MGAT5: variants seen among roughly 807,000 people sequenced by gnomAD.
The protein encoded by MGAT5 is alpha-1,6-mannosylglycoprotein 6-beta-N-acetylglucosaminyltransferase.
A neutral mutation model predicts 94.3 loss-of-function variants in MGAT5; 30 were observed. The observed-to-expected ratio is 0.32, with a 90% CI of 0.24 to 0.43. The LOEUF (loss-of-function observed/expected upper bound fraction) is 0.43. MGAT5 is among the 20% of genes least tolerant of loss of function. The pLI is 1.00. For missense variants in MGAT5, 691 were observed against 905.5 expected (o/e 0.76, Z 3.04); for synonymous variants, 310 against 322.9 (o/e 0.96, Z 0.43).
intron 9 of MGAT5, among the ~76,000 whole-genome samples, chr2:134,356,101 A>G (rs114694104): frequency 2.4e-3 from 358 of 152,318 alleles, no homozygotes; most frequent in Non-Finnish European, 4.5e-3. Context: ...CATTTTGGCT[A>G]TCATTCACAA....
intron 9 of MGAT5, among the ~76,000 whole-genome samples, chr2:134,357,337 G>A (rs534966748): frequency 1.6e-4 from 24 of 152,262 alleles, no homozygotes; most frequent in African/African-American, 5.1e-4. Flanking sequence ...CAGTATCATT[G>A]ATATTCCAAC....
chr2:134,262,693 A>G (rs1683413075), intron 1 of MGAT5, among the ~76,000 whole-genome samples: 1 of 152,246 alleles, frequency 6.6e-6, no homozygotes, highest in Non-Finnish European at 1.5e-5. Flanking sequence ...ACCAGCGCTT[A>G]ATTAAAATGC....
rs1685442295 is a variant in MGAT5, at chr2:134,440,759, G to A, written c.1870-999G>A. Among the ~76,000 whole-genome samples the A allele has an allele frequency of 2.6e-5, 4 of 152,156 alleles. No individual in the cohort carries two copies. The South Asian group carries it at 8.3e-4, about 31-fold the overall frequency. ...GTGCCATGTTAGTGATTGATTGATA[G>A]TGAATTATGAGGTGGGAGGAGGCAC... On this transcript the variant is annotated intron_variant, in intron 14 of 15. Coordinates refer to ENST00000281923, the MANE Select transcript of MGAT5 (RefSeq NM_002410.5).
At chr2:134,433,054 C>G (rs548641235) in intron 14 of MGAT5, among the ~76,000 whole-genome samples, 3 of 152,136 alleles carry the variant, frequency 2.0e-5, no homozygotes, top group Non-Finnish European at 4.4e-5. Context: ...TTCCGTCACC[C>G]CAAAAAACTC....
chr2:134,158,962 A>G (rs1687605657), intron 1 of MGAT5, among the ~76,000 whole-genome samples: 1 of 152,248 alleles, frequency 6.6e-6, no homozygotes, highest in Non-Finnish European at 1.5e-5. Context: ...TGTAAAATAC[A>G]CACCAAATTC....
At chr2:134,380,463 T>A (rs1681467787) in intron 10 of MGAT5, among the ~76,000 whole-genome samples, 2 of 151,748 alleles carry the variant, frequency 1.3e-5, no homozygotes, top group South Asian at 4.2e-4. Flanking sequence ...GCAAGTGGAG[T>A]GGTTAAGAAA....
intron 1 of MGAT5, among the ~76,000 whole-genome samples, chr2:134,167,582 A>C (rs894964097): frequency 6.6e-6 from 1 of 152,194 alleles, no homozygotes; most frequent in Admixed American, 6.5e-5. Flanking sequence ...GCGCTAAAGG[A>C]AAGAAACACA....
chr2:134,173,472 G>A (rs1174192253), intron 1 of MGAT5, among the ~76,000 whole-genome samples: 9 of 152,162 alleles, frequency 5.9e-5, no homozygotes, highest in African/African-American at 1.4e-4. Context: ...ACTGTGCTGC[G>A]ATTCTCACGC....
At chr2:134,389,205 A>G (rs958044195) in intron 10 of MGAT5, among the ~76,000 whole-genome samples, 2 of 152,200 alleles carry the variant, frequency 1.3e-5, no homozygotes, top group African/African-American at 4.8e-5. Flanking sequence ...CCATTAGTTC[A>G]TTAGTACTTG....
chr2:134,204,184 C>G (rs1055302463), intron 1 of MGAT5, among the ~76,000 whole-genome samples: 19 of 152,174 alleles, frequency 1.2e-4, no homozygotes, highest in African/African-American at 4.6e-4. Flanking sequence ...CCTGGTGATT[C>G]CCACCATCTG....
chr2:134,273,089 A>T (rs1684135515), intron 2 of MGAT5, among the ~76,000 whole-genome samples: 3 of 152,134 alleles, frequency 2.0e-5, no homozygotes, highest in Admixed American at 6.5e-5. Flanking sequence ...GCCAAAGTGG[A>T]TATAGATATG....
intron 1 of MGAT5, among the ~76,000 whole-genome samples, chr2:134,221,402 A>G (rs1340524979): frequency 6.6e-6 from 1 of 152,206 alleles, no homozygotes; most frequent in Non-Finnish European, 1.5e-5. Flanking sequence ...ATTCAGGTTA[A>G]GGTAAAGGAT....
chr2:134,382,165 G>A (rs1185005541), intron 10 of MGAT5, among the ~76,000 whole-genome samples: 1 of 151,922 alleles, frequency 6.6e-6, no homozygotes, highest in Non-Finnish European at 1.5e-5. Flanking sequence ...CAAAGCAGGA[G>A]GGTCACTTGA....
rs766242532 is a variant in MGAT5 at position 134,216,756 on chromosome 2, A to G, written c.-142-37506A>G. On this transcript the variant is annotated intron_variant, in intron 1 of 16. Coordinates refer to the MGAT5 transcript ENST00000409645. ...CTTTTGCCATTTCTGCTCTACCTCT[A>G]GGGGTGATTATTGTGGTTTCTCAGG... Among the ~76,000 whole-genome samples the G allele has an allele frequency of 1.2e-4, 19 of 152,254 alleles. 1 individual carries two copies. Among genetic ancestry groups the G allele is most frequent in the Admixed American group, 7.8e-4 (12 of 15,304 alleles).
At chr2:134,186,833 A>G (rs59623898) in intron 1 of MGAT5, among the ~76,000 whole-genome samples, 1 of 152,306 alleles carries the variant, frequency 6.6e-6, no homozygotes, top group Admixed American at 6.5e-5. Flanking sequence ...AGGTACAGTG[A>G]TGAATAAAGG....
At chr2:134,241,044 T>C (rs1002006508) in intron 1 of MGAT5, among the ~76,000 whole-genome samples, 2 of 152,278 alleles carry the variant, frequency 1.3e-5, no homozygotes, top group African/African-American at 4.8e-5. Context: ...GTACCAGTTT[T>C]ATTAGTGTAA....
intron 10 of MGAT5, among the ~76,000 whole-genome samples, chr2:134,369,063 A>G (rs147510787): frequency 5.8e-4 from 88 of 152,210 alleles, no homozygotes; most frequent in African/African-American, 2.0e-3. Flanking sequence ...TTACTAGACT[A>G]TATGCTCTGT....
intron 4 of MGAT5, among the ~76,000 whole-genome samples, chr2:134,327,546 T>C (rs11884948): frequency 0.026 from 3,919 of 152,238 alleles, 176 homozygotes; most frequent in African/African-American, 0.09. Flanking sequence ...ACAAAGGAGC[T>C]GTTCCAGCCC....
intron 1 of MGAT5, among the ~76,000 whole-genome samples, chr2:134,203,030 T>G (rs4953908): frequency 0.084 from 12,795 of 152,284 alleles, 587 homozygotes; most frequent in African/African-American, 0.093. Context: ...ATACAGGATT[T>G]ATTTGGTGAC....
Sources: allele counts gnomAD v4.1 joint callset (sites outside exome capture counted in the v4.1 genomes callset), GRCh38; gene constraint gnomAD v4.1.1; transcripts MANE v1.5; gene names NCBI Gene and HGNC (gene_info 2026-07-23, HGNC 2026-07-21).